TRIML2: variants seen among roughly 807,000 people sequenced by gnomAD.
The protein encoded by TRIML2 is tripartite motif family like 2.
TRIML2 carries 28 observed loss-of-function variants against 31.2 expected under a neutral mutation model. That is an observed-to-expected ratio of 0.90 (90% confidence interval 0.66 to 1.23). TRIML2 has a LOEUF of 1.23. TRIML2 is among the 50% of genes most tolerant of loss of function. The pLI is 0.00. For missense variants in TRIML2, 536 were observed against 528.3 expected (o/e 1.01, Z -0.14); for synonymous variants, 187 against 197.5 (o/e 0.95, Z 0.45).
In TRIML2 at chr4:188,099,186, AT is replaced by A. The variant is rs1434825134; in HGVS notation, c.481-12del. 1.3e-6 allele frequency: 2 copies of A among 1,586,098 alleles called. No individual in the cohort carries two copies. Among genetic ancestry groups the A allele is most frequent in the Middle Eastern group, 1.7e-4 (1 of 5,902 alleles). On this transcript the variant is annotated splice_polypyrimidine_tract_variant and intron_variant, in intron 4 of 7. Coordinates refer to ENST00000682553, the MANE Select transcript of TRIML2 (RefSeq NM_173553.4). ...CACACGGCCCAGTCTCTGCAGAAGC[AT>A]TTCTTCGTTACTATTCAACAACCTC...
At chr4:188,097,035 G>GT (rs766045507) in intron 7 of TRIML2, 26 bp downstream of exon 7, 20 of 1,466,774 alleles carry the variant, frequency 1.4e-5, no homozygotes, top group Admixed American at 1.7e-5. Flanking sequence ...ACAGTGCCCT[G>GT]TGAGTATTCA....
intron 3 of TRIML2, 87 bp from the exon 4 acceptor site, chr4:188,101,337 C>A: frequency 3.4e-5 from 23 of 666,768 alleles, no homozygotes; most frequent in Middle Eastern, 4.3e-4. Flanking sequence ...ATATCTATAT[C>A]TATATATAGA....
chr4:188,091,319 T>A lies in TRIML2; in HGVS notation c.*54A>T, dbSNP rs1307407482. The A allele has an allele frequency of 1.3e-6, 2 of 1,532,972 alleles. No homozygotes were observed. The highest frequency in any genetic ancestry group is 2.8e-5 in the African/African-American group (2 of 72,176). The allele number at this position is 1,532,972 out of a possible 1,614,324, so 95.0% of individuals were successfully genotyped here. A position where few individuals can be genotyped will look rare whatever the true frequency, so the allele number is the denominator to read the frequency against. ...TTAGTTTACACAAATTCTTTCAAAG[T>A]CTTGTTCTCCAACTTTCTGGTGTCT... On this transcript the variant is annotated 3_prime_UTR_variant, in exon 8 of 8. Coordinates refer to ENST00000682553, the MANE Select transcript of TRIML2 (RefSeq NM_173553.4).
In TRIML2 at chr4:188,109,377, AG is replaced by A. The variant is rs1392757093; in HGVS notation, c.-358del. 6.8e-6 allele frequency: 1 copy of A among 147,038 alleles called. No individual in the cohort carries two copies. Among genetic ancestry groups the A allele is most frequent in the Non-Finnish European group, 1.5e-5 (1 of 67,510 alleles). 9.1% of individuals were successfully genotyped at this position (147,038 alleles called of 1,614,324 possible). On this transcript the variant is annotated 5_prime_UTR_variant, in exon 1 of 8. Coordinates refer to ENST00000682553, the MANE Select transcript of TRIML2 (RefSeq NM_173553.4). The stretch of plus-strand genomic sequence containing the variant: ...CTACAGCCTCGAGCTCCCAGGCTCA[AG>A]TGATTCTCCCACCTTGACCTCCTGA...
In TRIML2 at chr4:188,105,247, C is replaced by T. The variant is rs1733977407; in HGVS notation, c.122G>A (p.Cys41Tyr). Residue 41 changes from cysteine (C) to tyrosine (Y), a missense_variant, in exon 2 of 8, where the codon TGC (cysteine) becomes TAC (tyrosine). Physicochemically the swap from Cys to Tyr is radical, Grantham distance 194. Transcript: ENST00000682553. ...ATGTTTGTGCTCCTGGGACTGGAAG[C>T]ATTTGCTGCAGAGTGTGATTTGGTC... is the stretch of plus-strand genomic sequence containing the variant. ...DVDQITLCSK[C>Y]FQSQEHKHHM... The T allele has an allele frequency of 1.2e-6, 2 of 1,612,250 alleles. No individual in the cohort carries two copies. Among genetic ancestry groups the T allele is most frequent in the African/African-American group, 1.3e-5 (1 of 74,908 alleles).
chr4:188,106,324 T>G (rs1020448566), intron 1 of TRIML2, among the ~76,000 whole-genome samples: 4 of 152,354 alleles, frequency 2.6e-5, no homozygotes, highest in East Asian at 3.9e-4. Flanking sequence ...GTGCTGGGAT[T>G]CCAGGCGTGA....
At chr4:188,092,850 T>C (rs541709388) in intron 7 of TRIML2, 2 of 456,570 alleles carry the variant, frequency 4.4e-6, no homozygotes, top group East Asian at 1.4e-4. Flanking sequence ...TTCCTATCTC[T>C]GACTGTTCCT....
chr4:188,105,017 T>A (rs28615703), intron 2 of TRIML2, 85 bp from the exon 3 acceptor site: 31,220 of 1,412,700 alleles, frequency 0.022, 1,645 homozygotes, highest in African/African-American at 0.18. Context: ...CAACTCTGAG[T>A]ATATATTTTC....
At chr4:188,092,973 G>A (rs1231509425) in intron 7 of TRIML2, 1 of 429,482 alleles carries the variant, frequency 2.3e-6, no homozygotes, top group Non-Finnish European at 4.7e-6. Context: ...ACTGTGCATA[G>A]CTTCAGTTTT....
At chr4:188,105,832 G>A (rs1242264630) in intron 1 of TRIML2, 4 of 154,028 alleles carry the variant, frequency 2.6e-5, no homozygotes, top group Non-Finnish European at 5.8e-5. Context: ...AAAACCACAA[G>A]TATCTGAAAA....
At chr4:188,094,781 T>C (rs1334091441) in intron 7 of TRIML2, among the ~76,000 whole-genome samples, 4 of 152,172 alleles carry the variant, frequency 2.6e-5, no homozygotes, top group Non-Finnish European at 5.9e-5. Context: ...AACAAGCTGA[T>C]TTCAAAATTT....
chr4:188,105,157 G>C, intron 2 of TRIML2, 23 bp downstream of exon 2: 3 of 1,589,772 alleles, frequency 1.9e-6, no homozygotes, highest in Non-Finnish European at 2.6e-6. Context: ...GAGTGTTTTG[G>C]GATTTGCGTG....
intron 7 of TRIML2, among the ~76,000 whole-genome samples, chr4:188,094,921 G>A (rs1235762968): frequency 6.6e-6 from 1 of 152,196 alleles, no homozygotes; most frequent in Non-Finnish European, 1.5e-5. Context: ...ATTGGCAAAG[G>A]GAAAGAGTCA....
intron 1 of TRIML2, chr4:188,105,836 C>A (rs1329208037): frequency 6.5e-6 from 1 of 153,964 alleles, no homozygotes; most frequent in Non-Finnish European, 1.4e-5. Flanking sequence ...CCACAAGTAT[C>A]TGAAAAAGTT....
intron 1 of TRIML2, among the ~76,000 whole-genome samples, chr4:188,107,525 T>C (rs1352308944): frequency 6.6e-6 from 1 of 152,148 alleles, no homozygotes; most frequent in African/African-American, 2.4e-5. Flanking sequence ...ATAATTTTGA[T>C]ATGTTTTGTC....
intron 3 of TRIML2, among the ~76,000 whole-genome samples, chr4:188,102,061 T>G (rs61006431): frequency 7.5e-6 from 1 of 132,804 alleles, no homozygotes; most frequent in African/African-American, 2.9e-5. Context: ...ACCCGGGAGG[T>G]GGAGCTTGCA....
rs368372641 is a variant in TRIML2, at chr4:188,091,364, C to A, written c.*9G>T. 4 of 1,603,446 alleles carry A rather than the reference C, an allele frequency of 2.5e-6. No individual in the cohort carries two copies. The Middle Eastern group carries it at 5.0e-4, about 200-fold the overall frequency. On this transcript the variant is annotated 3_prime_UTR_variant, in exon 8 of 8. Transcript: ENST00000682553. Reference sequence around the variant, plus strand: ...GTGTCTCGTGGTCTTGGATTTTACACACAGAAGATTAAGGGCTAACAGTAG... The same window carrying A: ...GTGTCTCGTGGTCTTGGATTTTACAAACAGAAGATTAAGGGCTAACAGTAG...
At chr4:188,099,563 C>CAAA (rs199949049) in intron 4 of TRIML2, among the ~76,000 whole-genome samples, 1 of 121,010 alleles carries the variant, frequency 8.3e-6, no homozygotes, top group South Asian at 2.5e-4. Context: ...GACTCCAAAT[C>CAAA]AAAAAAAAAA....
chr4:188,096,957 A>G, intron 7 of TRIML2, 104 bp downstream of exon 7: 1 of 932,538 alleles, frequency 1.1e-6, no homozygotes, highest in Non-Finnish European at 1.7e-6. Context: ...GTGCTGGCCT[A>G]AAATTGTTAA....
Sources: allele counts gnomAD v4.1 joint callset (sites outside exome capture counted in the v4.1 genomes callset), GRCh38; gene constraint gnomAD v4.1.1; transcripts MANE v1.5; gene names NCBI Gene and HGNC (gene_info 2026-07-23, HGNC 2026-07-21).